ZNF568: variants seen among roughly 807,000 people sequenced by gnomAD.
ZNF568 encodes the protein p53 inhibitor of SCO2 activation.
ZNF568 carries 11 observed loss-of-function variants against 18.1 expected under a neutral mutation model. The ratio of observed to expected loss-of-function variants is 0.61; its 90% CI spans 0.38 to 1.00. The LOEUF is 1.00. Ranked by LOEUF, ZNF568 falls within the 50% of genes least tolerant of loss-of-function variation. The probability of loss-of-function intolerance (pLI) is 0.01; values close to 1 mark genes in which losing one functional copy is unlikely to be tolerated. For synonymous variants in ZNF568, 213 were observed against 246.6 expected, an observed-to-expected ratio of 0.86 and a Z score of 1.28; for missense variants, 639 against 768.2, an observed-to-expected ratio of 0.83 and a Z score of 1.99.
chr19:36,968,855 T>A lies in ZNF568; in HGVS notation c.359-5565T>A, dbSNP rs556945926. ...TGTGAATCTAAGGGACAAGCATGAA[T>A]GAGTTCTTTTTTTTTTTCTTTTCAG... On this transcript the variant is annotated intron_variant, in intron 6 of 7. Transcript: ENST00000427117. Among the ~76,000 whole-genome samples, 28 of 141,144 alleles carry A rather than the reference T, an allele frequency of 2.0e-4. No homozygotes were observed. The South Asian group carries it at 2.5e-3, about 12-fold the overall frequency. The allele number at this position is 141,144 out of a possible 152,430, so 92.6% of individuals were successfully genotyped here.
At chr19:36,946,738 C>T (rs2073972701) in intron 6 of ZNF568, among the ~76,000 whole-genome samples, 1 of 148,950 alleles carries the variant, frequency 6.7e-6, no homozygotes, top group Non-Finnish European at 1.5e-5. Context: ...CCACAACCTC[C>T]GCCTCCCAGG....
At chr19:36,966,953 C>T (rs747105548) in intron 6 of ZNF568, among the ~76,000 whole-genome samples, 3 of 152,182 alleles carry the variant, frequency 2.0e-5, no homozygotes, top group Non-Finnish European at 4.4e-5. Flanking sequence ...GGCCATCAGC[C>T]GTAGCTTGCT....
At chr19:36,919,340 T>C (rs1243743198) in intron 2 of ZNF568, among the ~76,000 whole-genome samples, 4 of 152,186 alleles carry the variant, frequency 2.6e-5, no homozygotes, top group Non-Finnish European at 4.4e-5. Flanking sequence ...CATATATGTA[T>C]GGACTATATA....
chr19:36,943,281 A>AAGG (rs1489631718), intron 6 of ZNF568, among the ~76,000 whole-genome samples: 1 of 151,976 alleles, frequency 6.6e-6, no homozygotes, highest in Non-Finnish European at 1.5e-5. Flanking sequence ...CCTTTCACTT[A>AAGG]AGGGTTTTAG....
At chr19:36,952,735 C>A, downstream of ZNF568, 1 of 690,036 alleles carries the variant, frequency 1.4e-6, no homozygotes, top group Non-Finnish European at 1.8e-6. Flanking sequence ...TACACAATGA[C>A]AATATGAATG....
At position 36,927,887 on chromosome 19, in the gene ZNF568, T is replaced by TATTA. The variant is rs1491142078; in HGVS notation, c.135+2629_135+2630insATTA. ...ATATATATATATATATATATATATA[T>TATTA]TATATATATATATATATTTTTTTTT... On this transcript the variant is annotated intron_variant, in intron 4 of 6. Transcript: ENST00000333987. Among the ~76,000 whole-genome samples, 345 of 38,770 alleles carry TATTA rather than the reference T, an allele frequency of 8.9e-3. 4 individuals carry two copies. Among genetic ancestry groups the TATTA allele is most frequent in the East Asian group, 0.043 (17 of 394 alleles). The allele number at this position is 38,770 out of a possible 152,430, so 25.4% of individuals were successfully genotyped here.
At chr19:36,996,554 G>A (rs1327062350) in exon 5 of ZNF568, 5 of 1,536,012 alleles carry the variant, frequency 3.3e-6, no homozygotes, top group Middle Eastern at 1.7e-4. Flanking sequence ...TGTGAATGCA[G>A]GAAATGTAAG....
intron 6 of ZNF568, among the ~76,000 whole-genome samples, chr19:36,960,728 C>CAA (rs66625773): frequency 7.2e-6 from 1 of 139,728 alleles, no homozygotes. Flanking sequence ...AACTCCATCT[C>CAA]AAAAAAAAAA....
At chr19:36,937,375 G>A in intron 6 of ZNF568, 133 bp downstream of exon 6, 1 of 609,304 alleles carries the variant, frequency 1.6e-6, no homozygotes, top group Non-Finnish European at 2.7e-6. Context: ...GGGATGGAGT[G>A]CTTTAGATTA....
Position 36,952,492 on chromosome 19 carries a change from T to A in ZNF568, c.*1404T>A, listed in dbSNP as rs1240016184. 6.6e-6 allele frequency: 1 copy of A among 152,268 alleles called. No homozygotes were observed. The highest frequency in any genetic ancestry group is 1.5e-5 in the Non-Finnish European group (1 of 68,104). 9.4% of individuals were successfully genotyped at this position (152,268 alleles called of 1,614,324 possible). A position where few individuals can be genotyped will look rare whatever the true frequency, so the allele number is the denominator to read the frequency against. On this transcript the variant is annotated 3_prime_UTR_variant, in exon 7 of 7. Coordinates refer to ENST00000333987, the MANE Select transcript of ZNF568 (RefSeq NM_198539.4). ...ATACAAATGAAACATTGTGTAATAA[T>A]ATTTATGTAAATTGGAATGAAATCA... is the stretch of plus-strand genomic sequence containing the variant.
intron 4 of ZNF568, among the ~76,000 whole-genome samples, chr19:36,927,997 C>T (rs1334110572): frequency 7.0e-6 from 1 of 143,654 alleles, no homozygotes; most frequent in Non-Finnish European, 1.5e-5. Flanking sequence ...TCACTGCAAC[C>T]TCCACCTCCC....
At position 36,975,681 on chromosome 19, in the gene ZNF568, C is replaced by CTTTTTTTTTTTTTTTTTTTT. The variant is rs1193440344; in HGVS notation, c.405+1217_405+1236dup. Among the ~76,000 whole-genome samples the CTTTTTTTTTTTTTTTTTTTT allele has an allele frequency of 3.7e-4, 28 of 75,776 alleles. 6 individuals carry two copies. The highest frequency in any genetic ancestry group is 5.6e-4 in the Non-Finnish European group (24 of 42,818). 49.7% of individuals were successfully genotyped at this position (75,776 alleles called of 152,430 possible). ...GCAGGCGTGAGCCACCGCGCCAAGA[C>CTTTTTTTTTTTTTTTTTTTT]TTTTTTTTTTTTTTTTTTTTTGAGA... On this transcript the variant is annotated intron_variant, in intron 7 of 7. Coordinates refer to the ZNF568 transcript ENST00000427117.
intron 6 of ZNF568, among the ~76,000 whole-genome samples, chr19:36,942,468 G>A (rs898544104): frequency 1.3e-5 from 2 of 151,236 alleles, no homozygotes; most frequent in African/African-American, 4.9e-5. Flanking sequence ...GCGTGGTGGC[G>A]GGTGCCTGTA....
chr19:36,968,543 C>CA lies in ZNF568; in HGVS notation c.359-5862dup, dbSNP rs59549359. ...TGGCAACAGAGCAAGACTCTGTCTC[C>CA]AAAAAAAAAAAAAAACTATATATAT... On this transcript the variant is annotated intron_variant, in intron 6 of 7. Coordinates refer to the ZNF568 transcript ENST00000427117. 4.3e-3 allele frequency among the ~76,000 whole-genome samples: 399 copies of CA among 93,860 alleles called. 1 individual carries two copies. Among genetic ancestry groups the CA allele is most frequent in the African/African-American group, 7.2e-3 (199 of 27,570 alleles). The allele number at this position is 93,860 out of a possible 152,430, so 61.6% of individuals were successfully genotyped here.
At chr19:36,972,249 TA>T (rs980715521) in intron 6 of ZNF568, among the ~76,000 whole-genome samples, 6 of 152,206 alleles carry the variant, frequency 3.9e-5, no homozygotes, top group African/African-American at 1.4e-4. Flanking sequence ...AAAGTGCTAC[TA>T]AAATTGGTTT....
At chr19:36,924,289 G>A (rs894298225) in intron 3 of ZNF568, among the ~76,000 whole-genome samples, 1 of 151,712 alleles carries the variant, frequency 6.6e-6, no homozygotes, top group African/African-American at 2.4e-5. Flanking sequence ...TGTGATCTCG[G>A]CTCACTGCAA....
chr19:36,923,118 T>C (rs930851710), intron 3 of ZNF568, among the ~76,000 whole-genome samples: 1 of 152,186 alleles, frequency 6.6e-6, no homozygotes, highest in Non-Finnish European at 1.5e-5. Context: ...TCCATCCTGG[T>C]TCCCTGTCCC....
At chr19:36,930,432 A>G (rs2073667272) in intron 4 of ZNF568, among the ~76,000 whole-genome samples, 1 of 151,940 alleles carries the variant, frequency 6.6e-6, no homozygotes, top group African/African-American at 2.4e-5. Flanking sequence ...GATGGTCTCG[A>G]TCTCCTGACC....
intron 3 of ZNF568, among the ~76,000 whole-genome samples, chr19:36,924,566 C>T (rs1289616246): frequency 7.0e-6 from 1 of 142,560 alleles, no homozygotes; most frequent in Non-Finnish European, 1.5e-5. Flanking sequence ...CGCGGCGTCA[C>T]GCCTGTAATC....
Sources: gnomAD v4.1 joint callset for allele counts (sites outside exome capture counted in the v4.1 genomes callset) on GRCh38, gnomAD v4.1.1 for gene constraint, MANE v1.5 for transcripts, NCBI Gene and HGNC (gene_info 2026-07-23, HGNC 2026-07-21) for gene names.